Variants in AKAP13 observed in about 807,000 individuals in gnomAD.
AKAP13 encodes the protein A-kinase anchor protein 13.
Under a neutral mutation model 264.5 loss-of-function variants are expected in AKAP13, and 80 were observed. That is an observed-to-expected ratio of 0.30 (90% CI 0.25 to 0.36). The LOEUF (loss-of-function observed/expected upper bound fraction) is 0.36, where lower values mean the gene tolerates loss of function less well. Ranked by LOEUF, AKAP13 falls within the 10% of genes least tolerant of loss-of-function variation. The pLI is 1.00. For synonymous variants in AKAP13, 1,380 were observed against 1,250.2 expected, an observed-to-expected ratio of 1.10 and a Z score of -2.19; for missense variants, 3,712 against 3,435.2, an observed-to-expected ratio of 1.08 and a Z score of -2.01.
At chr15:85,538,838 A>AT (rs148443065) in intron 4 of AKAP13, among the ~76,000 whole-genome samples, 16,041 of 123,256 alleles carry the variant, frequency 0.13, 1,151 homozygotes, top group Non-Finnish European at 0.19. Context: ...GTGTTTGTGT[A>AT]TTTTTTTTTT....
rs1016142811 is a variant in AKAP13 at position 85,664,609 on chromosome 15, C to T, written c.4846C>T (p.Pro1616Ser). 2 of 1,613,582 alleles carry T rather than the reference C, an allele frequency of 1.2e-6. No individual in the cohort carries two copies. Among genetic ancestry groups the T allele is most frequent in the East Asian group, 2.2e-5 (1 of 44,876 alleles). The change falls in exon 13 of 37, where the codon CCA becomes TCA. Residue 1616 changes from proline (P) to serine (S), a missense_variant. This residue lies in a region of AKAP13 where 2,759 missense variants were observed against 2,411.7 expected (regional missense o/e 1.14). Coordinates refer to ENST00000394518, the MANE Select transcript of AKAP13 (RefSeq NM_007200.5). ...LTGGAGVGNK[P>S]SSSLEVSSAN... ...AGGAGGAGCTGGTGTCGGAAACAAG[C>T]CATCCTCATCTCTAGAAGTAAGCTC...
chr15:85,640,769 C>G (rs1252595714), intron 9 of AKAP13, among the ~76,000 whole-genome samples: 1 of 152,150 alleles, frequency 6.6e-6, no homozygotes, highest in East Asian at 1.9e-4. Flanking sequence ...GTGAGACTTT[C>G]TGCCAAGTAA....
intron 1 of AKAP13, among the ~76,000 whole-genome samples, chr15:85,396,873 G>A (rs922044915): frequency 7.4e-6 from 1 of 134,374 alleles, no homozygotes; most frequent in African/African-American, 2.7e-5. Context: ...GATCTGTGCA[G>A]TTTTTTTGAG....
chr15:85,529,536 G>C (rs1447014325), intron 3 of AKAP13, among the ~76,000 whole-genome samples: 1 of 152,244 alleles, frequency 6.6e-6, no homozygotes, highest in African/African-American at 2.4e-5. Context: ...ATAGTAAGAG[G>C]TTTGGTGTAG....
chr15:85,730,803 A>T lies in AKAP13; in HGVS notation c.7282+96A>T, dbSNP rs1246596370. On this transcript the variant is annotated intron_variant, in intron 30 of 36. Transcript: ENST00000394518. ...AGTTTTTACTTTTTTACTTTAAAGC[A>T]CAAATGCAGAAAATTACCCAAAACA... The T allele has an allele frequency of 3.1e-5, 35 of 1,116,746 alleles. No individual in the cohort carries two copies. In the East Asian group the frequency reaches 7.1e-4, roughly 23 times the overall value. The allele number at this position is 1,116,746 out of a possible 1,614,324, so 69.2% of individuals were successfully genotyped here.
intron 18 of AKAP13, 78 bp from the exon 19 acceptor site, chr15:85,710,501 T>A: frequency 7.1e-7 from 1 of 1,408,584 alleles, no homozygotes; most frequent in Non-Finnish European, 9.9e-7. Context: ...GAAGCTGAAC[T>A]GCTTGCTCCC....
intron 5 of AKAP13, among the ~76,000 whole-genome samples, chr15:85,570,821 G>A (rs1487117983): frequency 6.6e-6 from 1 of 152,162 alleles, no homozygotes; most frequent in Non-Finnish European, 1.5e-5. Flanking sequence ...TCCAGAAGTG[G>A]GTGGAAAACC....
intron 1 of AKAP13, among the ~76,000 whole-genome samples, chr15:85,437,685 A>C (rs534947502): frequency 2.0e-5 from 3 of 152,328 alleles, no homozygotes; most frequent in African/African-American, 7.2e-5. Flanking sequence ...CAATAAATGT[A>C]ATCCAGCATA....
chr15:85,558,261 A>G (rs539027643), intron 5 of AKAP13, among the ~76,000 whole-genome samples: 6 of 152,358 alleles, frequency 3.9e-5, no homozygotes, highest in Admixed American at 2.0e-4. Flanking sequence ...CAGGAGAAAC[A>G]TGAGAAAAGT....
At chr15:85,568,007 G>A (rs1310782792) in intron 5 of AKAP13, among the ~76,000 whole-genome samples, 1 of 150,906 alleles carries the variant, frequency 6.6e-6, no homozygotes, top group African/African-American at 2.4e-5. Flanking sequence ...TAGAGACCAG[G>A]CGCAGTGGCT....
chr15:85,406,498 A>G (rs992212447), intron 1 of AKAP13, among the ~76,000 whole-genome samples: 3 of 150,276 alleles, frequency 2.0e-5, no homozygotes, highest in Admixed American at 6.6e-5. Context: ...CTGGACACAT[A>G]TGTGTCCAGC....
At position 85,727,226 on chromosome 15, in the gene AKAP13, T is replaced by C; in HGVS notation, c.6983T>C (p.Ile2328Thr). The C allele has an allele frequency of 6.2e-7, 1 of 1,614,190 alleles. No homozygotes were observed. Among genetic ancestry groups the C allele is most frequent in the Non-Finnish European group, 8.5e-7 (1 of 1,180,036 alleles). Reference sequence around the variant, plus strand: ...GAACGAAACAGCTGGATTCAGATCATTCAGGACACAATCAACACCCTGTAA... The same window carrying C: ...GAACGAAACAGCTGGATTCAGATCACTCAGGACACAATCAACACCCTGTAA... Reference protein sequence around the residue: ...KEERNSWIQIIQDTINTLNRD... With the variant: ...KEERNSWIQITQDTINTLNRD... Residue 2328 changes from isoleucine (I) to threonine (T), a missense_variant, in exon 28 of 37, where the codon ATT becomes ACT. Around this residue, in one of 3 missense-constraint regions of AKAP13, gnomAD observed 342 missense variants for 484.3 expected, o/e 0.71. Coordinates refer to ENST00000394518, the MANE Select transcript of AKAP13 (RefSeq NM_007200.5). This position sits in a 1 kb window ranked among gnomAD's most constrained non-coding sequence, Gnocchi z 5.3.
At chr15:85,507,395 A>C (rs1175112160) in intron 2 of AKAP13, among the ~76,000 whole-genome samples, 2 of 152,034 alleles carry the variant, frequency 1.3e-5, no homozygotes, top group Non-Finnish European at 2.9e-5. Context: ...AAAAAAAAAA[A>C]AACATAAGAA....
At chr15:85,656,315 ATTACATTCATT>A (rs2083091421) in intron 11 of AKAP13, among the ~76,000 whole-genome samples, 1 of 152,256 alleles carries the variant, frequency 6.6e-6, no homozygotes, top group South Asian at 2.1e-4. Context: ...TATAAGACTC[ATTACATTCATT>A]TTACATTCAT....
chr15:85,676,262 C>G (rs1031907423), intron 14 of AKAP13, among the ~76,000 whole-genome samples: 12 of 152,128 alleles, frequency 7.9e-5, no homozygotes, highest in Non-Finnish European at 1.6e-4. Context: ...ATGTCCTAAA[C>G]CAAGGCAGAG....
intron 4 of AKAP13, among the ~76,000 whole-genome samples, chr15:85,538,781 G>T (rs2077487315): frequency 6.8e-6 from 1 of 147,612 alleles, no homozygotes; most frequent in South Asian, 2.1e-4. Flanking sequence ...GAGCCACCGC[G>T]CCCGGCCTTG....
intron 23 of AKAP13, among the ~76,000 whole-genome samples, chr15:85,720,720 A>C (rs1341128276): frequency 6.6e-6 from 1 of 152,146 alleles, no homozygotes; most frequent in Non-Finnish European, 1.5e-5. Context: ...TTGTCTGAGA[A>C]TTGTAAATTT....
At chr15:85,384,400 C>A (rs965793934) in intron 1 of AKAP13, among the ~76,000 whole-genome samples, 1 of 152,108 alleles carries the variant, frequency 6.6e-6, no homozygotes, top group Non-Finnish European at 1.5e-5. Context: ...TGGGGAGAGA[C>A]GAGAAAGCTG....
chr15:85,458,197 T>G (rs1250200613), intron 1 of AKAP13, among the ~76,000 whole-genome samples: 2 of 151,898 alleles, frequency 1.3e-5, no homozygotes, highest in East Asian at 3.9e-4. Context: ...AAATAGATAT[T>G]CCAGTTTTTC....
Sources: gnomAD v4.1 joint callset for allele counts (sites outside exome capture counted in the v4.1 genomes callset) on GRCh38, gnomAD v4.1.1 for gene constraint, gnomAD v4.1.1 regional missense constraint, Gnocchi (gnomAD v3.1) non-coding constraint, MANE v1.5 for transcripts, NCBI Gene and HGNC (gene_info 2026-07-23, HGNC 2026-07-21) for gene names.